The following PLEKHB2 variants were observed in gnomAD, a reference collection of about 807,000 sequenced individuals.
PLEKHB2 encodes the protein pleckstrin homology domain-containing family B member 2.
PLEKHB2 carries 31 observed loss-of-function variants against 36.5 expected under a neutral mutation model. The ratio of observed to expected loss-of-function variants is 0.85; its 90% CI spans 0.64 to 1.15. PLEKHB2 has a LOEUF of 1.15. Ranked by LOEUF, PLEKHB2 falls within the 50% of genes most tolerant of loss-of-function variation. The probability of loss-of-function intolerance (pLI) is 0.00; values close to 1 mark genes in which losing one functional copy is unlikely to be tolerated. For synonymous variants in PLEKHB2, 119 were observed against 112.0 expected (o/e 1.06, Z -0.39); for missense variants, 262 against 295.3 (o/e 0.89, Z 0.83).
At position 131,148,743 on chromosome 2, in the gene PLEKHB2, T is replaced by C. The variant is rs1000931723; in HGVS notation, c.*1970T>C. ...ACATGGAAGGATGTCTGTTTATCTC[T>C]CATCTCTGAATAGATGTATGACAAC... On this transcript the variant is annotated 3_prime_UTR_variant, in exon 8 of 8. Transcript: ENST00000693505. The C allele has an allele frequency of 1.3e-5, 2 of 152,254 alleles. No homozygotes were observed. Among genetic ancestry groups the C allele is most frequent in the Admixed American group, 1.3e-4 (2 of 15,278 alleles). 9.4% of individuals were successfully genotyped at this position (152,254 alleles called of 1,614,324 possible). A position where few individuals can be genotyped will look rare whatever the true frequency, so the allele number is the denominator to read the frequency against.
At chr2:131,121,903 TTTTA>T (rs201737276) in intron 2 of PLEKHB2, among the ~76,000 whole-genome samples, 1 of 151,708 alleles carries the variant, frequency 6.6e-6, no homozygotes, top group Non-Finnish European at 1.5e-5. Flanking sequence ...TGTGTTTTAT[TTTTA>T]TTTATTTATT....
chr2:131,145,218 A>C (rs540342144), intron 7 of PLEKHB2, among the ~76,000 whole-genome samples: 1 of 152,342 alleles, frequency 6.6e-6, no homozygotes, highest in South Asian at 2.1e-4. Flanking sequence ...TCAGTTGAGT[A>C]AGAGCATTCC....
intron 6 of PLEKHB2, among the ~76,000 whole-genome samples, chr2:131,133,413 C>T (rs376740261): frequency 5.3e-5 from 8 of 152,256 alleles, no homozygotes; most frequent in African/African-American, 1.4e-4. Context: ...GCTAGTGGAA[C>T]GTATGTAAGT....
intron 4 of PLEKHB2, among the ~76,000 whole-genome samples, chr2:131,130,073 CCTCT>C (rs2104895344): frequency 6.6e-6 from 1 of 151,736 alleles, no homozygotes; most frequent in African/African-American, 2.4e-5. Context: ...AGATAGAGCC[CCTCT>C]CTCTCATCCA....
chr2:131,145,646 GA>G (rs1699210890), intron 7 of PLEKHB2, among the ~76,000 whole-genome samples: 3 of 152,054 alleles, frequency 2.0e-5, no homozygotes, highest in Admixed American at 6.6e-5. Flanking sequence ...GCCAGCCTTT[GA>G]ACCATTAAAG....
chr2:131,135,095 G>C (rs1015429415), intron 6 of PLEKHB2, among the ~76,000 whole-genome samples: 1 of 151,730 alleles, frequency 6.6e-6, no homozygotes, highest in Non-Finnish European at 1.5e-5. Context: ...TTTTGAGACA[G>C]AGTGTCTCTC....
At chr2:131,120,672 T>G in intron 1 of PLEKHB2, 1 of 532,062 alleles carries the variant, frequency 1.9e-6, no homozygotes, top group Non-Finnish European at 3.4e-6. Flanking sequence ...CTGCTTTATG[T>G]TTGTTGAGTG....
intron 5 of PLEKHB2, among the ~76,000 whole-genome samples, chr2:131,132,285 A>G (rs934840254): frequency 2.6e-5 from 4 of 152,112 alleles, no homozygotes; most frequent in African/African-American, 4.8e-5. Flanking sequence ...TTATTTGTGA[A>G]TAAAGGACTG....
intron 7 of PLEKHB2, among the ~76,000 whole-genome samples, chr2:131,142,483 T>A (rs1698890778): frequency 6.6e-6 from 1 of 152,186 alleles, no homozygotes; most frequent in African/African-American, 2.4e-5. Context: ...TCCTCTCTTT[T>A]TTTTTGCTAT....
intron 4 of PLEKHB2, among the ~76,000 whole-genome samples, chr2:131,128,662 A>G (rs1468378794): frequency 6.6e-6 from 1 of 152,228 alleles, no homozygotes; most frequent in Non-Finnish European, 1.5e-5. Flanking sequence ...CCTTCAATAC[A>G]ACCCCAAATG....
chr2:131,105,582 TCCCTGGACCA>T (rs1241411287), intron 1 of PLEKHB2, among the ~76,000 whole-genome samples, 184 bp downstream of exon 1: 1 of 151,642 alleles, frequency 6.6e-6, no homozygotes, highest in African/African-American at 2.4e-5. Context: ...TCCGCCCACC[TCCCTGGACCA>T]CCCTGACCTT....
rs1035901540 is a variant in PLEKHB2 at position 131,136,196 on chromosome 2, C to T, written c.423+3205C>T. The stretch of plus-strand genomic sequence containing the variant: ...CCCTCCCTCCCTCTCTCCTTTCCCC[C>T]GCCCGTCCCCTCTCCTCCTCTCCTC... On this transcript the variant is annotated intron_variant, in intron 6 of 7. Transcript: ENST00000693505. Among the ~76,000 whole-genome samples the T allele has an allele frequency of 2.8e-4, 39 of 140,948 alleles. 1 individual carries two copies. The highest frequency in any genetic ancestry group is 2.1e-3 in the East Asian group (10 of 4,856). 92.5% of individuals were successfully genotyped at this position (140,948 alleles called of 152,430 possible).
chr2:131,121,026 C>G, intron 2 of PLEKHB2, 48 bp downstream of exon 2: 1 of 1,582,212 alleles, frequency 6.3e-7, no homozygotes, highest in East Asian at 2.2e-5. Context: ...GAAGGGCAGT[C>G]TCTATTTCTG....
In PLEKHB2 at chr2:131,132,879, T is replaced by C; in HGVS notation, c.334-23T>C. Reference sequence around the variant, plus strand: ...CAGCTGCTGGGAAGCTGTCCTGTCCTCACCCTCTCCTGTCTCCCGCAGGCG... The same window carrying C: ...CAGCTGCTGGGAAGCTGTCCTGTCCCCACCCTCTCCTGTCTCCCGCAGGCG... On this transcript the variant is annotated intron_variant, in intron 5 of 7. Transcript: ENST00000693505. 6 of 1,432,120 alleles carry C rather than the reference T, an allele frequency of 4.2e-6. No individual in the cohort carries two copies. In the South Asian group the frequency reaches 6.9e-5, roughly 16 times the overall value. The allele number at this position is 1,432,120 out of a possible 1,614,324, so 88.7% of individuals were successfully genotyped here. A position where few individuals can be genotyped will look rare whatever the true frequency, so the allele number is the denominator to read the frequency against.
At position 131,130,742 on chromosome 2, in the gene PLEKHB2, A is replaced by C; in HGVS notation, c.315A>C (p.Gln105His). The change falls in exon 5 of 8, where the codon CAA becomes CAC. Residue 105 changes from glutamine (Q) to histidine (H), a missense_variant. Coordinates refer to ENST00000693505, the MANE Select transcript of PLEKHB2 (RefSeq NM_001100623.2). Reference protein sequence around the residue: ...DDCLAWKFTLQDSRTNTAYVG... With the variant: ...DDCLAWKFTLHDSRTNTAYVG... ...CCAGGGCCTGGAAATTTACACTCCA[A>C]GATTCTAGGACAAACACAGTAAGTT... 6.2e-7 allele frequency: 1 copy of C among 1,611,724 alleles called. No homozygotes were observed. The highest frequency in any genetic ancestry group is 8.5e-7 in the Non-Finnish European group (1 of 1,178,068).
intron 2 of PLEKHB2, among the ~76,000 whole-genome samples, chr2:131,125,293 C>A (rs1013738853): frequency 6.6e-6 from 1 of 152,108 alleles, no homozygotes; most frequent in Non-Finnish European, 1.5e-5. Flanking sequence ...TTAATAGAAA[C>A]CCTAACCGGA....
chr2:131,118,819 G>A (rs1218181073), intron 1 of PLEKHB2: 1 of 124,008 alleles, frequency 8.1e-6, no homozygotes, highest in Non-Finnish European at 1.6e-5. Flanking sequence ...AGTGAGCCGA[G>A]ATTGCGCCAC....
intron 1 of PLEKHB2, among the ~76,000 whole-genome samples, chr2:131,113,087 ATT>A (rs11292569): frequency 1.3e-3 from 195 of 146,120 alleles, no homozygotes; most frequent in Admixed American, 1.4e-3. Context: ...TCGCTGAAGA[ATT>A]TTTTTTTTTT....
At chr2:131,136,880 C>G (rs1402125413) in intron 6 of PLEKHB2, among the ~76,000 whole-genome samples, 1 of 150,836 alleles carries the variant, frequency 6.6e-6, no homozygotes, top group Non-Finnish European at 1.5e-5. Context: ...ACTGTCAGGG[C>G]TTGGAGATTT....
Sources: gnomAD v4.1 joint callset for allele counts (sites outside exome capture counted in the v4.1 genomes callset) on GRCh38, gnomAD v4.1.1 for gene constraint, MANE v1.5 for transcripts, NCBI Gene and HGNC (gene_info 2026-07-23, HGNC 2026-07-21) for gene names.